SEMA5B: variants seen among roughly 807,000 people sequenced by gnomAD.
The protein encoded by SEMA5B is semaphorin-5B.
A neutral mutation model predicts 135.0 loss-of-function variants in SEMA5B; 66 were observed. The ratio of observed to expected loss-of-function variants is 0.49; its 90% CI spans 0.40 to 0.60. The LOEUF (loss-of-function observed/expected upper bound fraction) is 0.60. Among genes scored for constraint, SEMA5B ranks in the 20% least tolerant of loss-of-function variants. The probability of loss-of-function intolerance (pLI) is 0.00; values close to 1 mark genes in which losing one functional copy is unlikely to be tolerated. For missense variants in SEMA5B, 1,501 were observed against 1,566.3 expected (o/e 0.96, Z 0.70); for synonymous variants, 690 against 639.5 (o/e 1.08, Z -1.19).
intron 9 of SEMA5B, among the ~76,000 whole-genome samples, chr3:122,925,912 G>A (rs943932001): frequency 6.6e-6 from 1 of 152,088 alleles, no homozygotes; most frequent in Non-Finnish European, 1.5e-5. Context: ...TCACACCTAG[G>A]AAGCAAAAGG....
At chr3:122,943,908 C>T (rs2043172) in intron 3 of SEMA5B, among the ~76,000 whole-genome samples, 89,907 of 151,986 alleles carry the variant, frequency 0.59, 28,900 homozygotes, top group South Asian at 0.75. Context: ...CTGTATCCCA[C>T]CTACATCCAA....
At chr3:122,963,851 T>C (rs1420349781) in intron 1 of SEMA5B, among the ~76,000 whole-genome samples, 1 of 152,234 alleles carries the variant, frequency 6.6e-6, no homozygotes, top group African/African-American at 2.4e-5. Context: ...CAGTTGGCCC[T>C]AACTTTTCTT....
intron 5 of SEMA5B, among the ~76,000 whole-genome samples, chr3:122,933,731 A>C (rs1939096733): frequency 6.6e-6 from 1 of 151,738 alleles, no homozygotes; most frequent in Non-Finnish European, 1.5e-5. Flanking sequence ...TTTCTCTCCT[A>C]TGTTTCATTT....
intron 5 of SEMA5B, 72 bp downstream of exon 5, chr3:122,939,353 A>T: frequency 8.1e-7 from 1 of 1,227,830 alleles, no homozygotes; most frequent in Non-Finnish European, 1.2e-6. Flanking sequence ...GAATGGCGCC[A>T]CTTGCGTTGC....
chr3:122,981,251 G>A (rs1395751416), intron 1 of SEMA5B, among the ~76,000 whole-genome samples: 1 of 151,642 alleles, frequency 6.6e-6, no homozygotes, highest in African/African-American at 2.4e-5. Context: ...TGAAGAGCTG[G>A]TCATAATGTG....
At chr3:122,964,590 C>G (rs1007037842) in intron 1 of SEMA5B, among the ~76,000 whole-genome samples, 1 of 152,218 alleles carries the variant, frequency 6.6e-6, no homozygotes, top group East Asian at 1.9e-4. Flanking sequence ...GCTTTGGTCT[C>G]TCTCTCCCAC....
intron 1 of SEMA5B, among the ~76,000 whole-genome samples, chr3:123,024,544 TGGA>T (rs1249668659): frequency 6.6e-6 from 1 of 152,214 alleles, no homozygotes; most frequent in Non-Finnish European, 1.5e-5. Context: ...GCTCTGCATG[TGGA>T]ACCTTATATC....
intron 1 of SEMA5B, among the ~76,000 whole-genome samples, chr3:122,995,028 G>A (rs1042967918): frequency 6.6e-6 from 1 of 152,136 alleles, no homozygotes; most frequent in South Asian, 2.1e-4. Flanking sequence ...GGGAAGCCGG[G>A]GTGTAAACCC....
intron 12 of SEMA5B, 97 bp from the exon 13 acceptor site, chr3:122,915,987 T>A: frequency 1.2e-6 from 1 of 854,736 alleles, no homozygotes; most frequent in South Asian, 1.4e-5. Context: ...TGCACCACTT[T>A]CCATCCATTT....
chr3:122,970,227 A>T (rs1941051276), intron 1 of SEMA5B, among the ~76,000 whole-genome samples: 1 of 152,246 alleles, frequency 6.6e-6, no homozygotes, highest in Non-Finnish European at 1.5e-5. Flanking sequence ...CTTCTCAGGG[A>T]CAGCTGCTCC....
chr3:122,918,143 T>C (rs1938169353), intron 12 of SEMA5B, among the ~76,000 whole-genome samples: 1 of 152,178 alleles, frequency 6.6e-6, no homozygotes, highest in East Asian at 1.9e-4. Context: ...CTAATAATAA[T>C]AATAAACAAT....
At chr3:123,016,422 C>T (rs190151486) in intron 1 of SEMA5B, among the ~76,000 whole-genome samples, 66 of 152,300 alleles carry the variant, frequency 4.3e-4, no homozygotes, top group Non-Finnish European at 3.2e-4. Flanking sequence ...TACACACATC[C>T]TCCTGTATAC....
At chr3:122,966,185 T>C (rs1006608586) in intron 1 of SEMA5B, among the ~76,000 whole-genome samples, 11 of 152,196 alleles carry the variant, frequency 7.2e-5, no homozygotes, top group Non-Finnish European at 1.0e-4. Flanking sequence ...CCTCCCCATT[T>C]GCTCCAAATA....
At chr3:122,919,505 C>A (rs549784310) in intron 12 of SEMA5B, among the ~76,000 whole-genome samples, 16 of 152,174 alleles carry the variant, frequency 1.1e-4, no homozygotes, top group Middle Eastern at 3.4e-3. Flanking sequence ...GAGGAGGGAG[C>A]CTGAAGAGGC....
chr3:122,910,358 A>G, intron 22 of SEMA5B, 57 bp from the exon 23 acceptor site: 1 of 1,587,192 alleles, frequency 6.3e-7, no homozygotes, highest in Admixed American at 1.7e-5. Context: ...GGGGAAGGGA[A>G]CAGGCCAGAG....
intron 2 of SEMA5B, among the ~76,000 whole-genome samples, chr3:122,957,870 T>G (rs547393063): frequency 3.3e-5 from 5 of 152,344 alleles, no homozygotes; most frequent in African/African-American, 1.2e-4. Flanking sequence ...ATCGTTGCAT[T>G]CCACAGCCCT....
intron 1 of SEMA5B, among the ~76,000 whole-genome samples, chr3:122,980,460 CAAAAA>C (rs34995253): frequency 1.8e-5 from 2 of 109,822 alleles, no homozygotes; most frequent in Admixed American, 1.0e-4. Flanking sequence ...AAAGCCGTGT[CAAAAA>C]AAAAAAAAAA....
intron 14 of SEMA5B, 105 bp from the exon 15 acceptor site, chr3:122,914,106 C>T: frequency 7.9e-7 from 1 of 1,264,924 alleles, no homozygotes; most frequent in Non-Finnish European, 1.1e-6. Flanking sequence ...TCAGAAAGGG[C>T]TGGACAGTGA....
chr3:122,931,347 T>C (rs949636848), intron 5 of SEMA5B, among the ~76,000 whole-genome samples: 1 of 152,048 alleles, frequency 6.6e-6, no homozygotes, highest in Non-Finnish European at 1.5e-5. Context: ...ATTTCCCATC[T>C]CCCCATCCTC....
Sources: gnomAD v4.1 joint callset for allele counts (sites outside exome capture counted in the v4.1 genomes callset) on GRCh38, gnomAD v4.1.1 for gene constraint, MANE v1.5 for transcripts, NCBI Gene and HGNC (gene_info 2026-07-23, HGNC 2026-07-21) for gene names.